Variants in PTPN21 observed in about 807,000 individuals in gnomAD.
PTPN21 encodes tyrosine-protein phosphatase non-receptor type 21.
Under a neutral mutation model 131.8 loss-of-function variants are expected in PTPN21, and 77 were observed. The observed-to-expected ratio is 0.58, with a 90% CI of 0.49 to 0.71. PTPN21 has a LOEUF of 0.71. Among genes scored for constraint, PTPN21 ranks in the 30% least tolerant of loss-of-function variants. PTPN21 has a pLI of 0.00. For missense variants in PTPN21, 1,552 were observed against 1,527.1 expected (o/e 1.02, Z -0.27); for synonymous variants, 715 against 621.3 (o/e 1.15, Z -2.24).
intron 2 of PTPN21, among the ~76,000 whole-genome samples, chr14:88,522,234 C>A (rs914204030): frequency 2.6e-5 from 4 of 151,554 alleles, no homozygotes; most frequent in African/African-American, 9.7e-5. Context: ...CGAGACTGGC[C>A]TGGCCAACAT....
chr14:88,495,819 C>A (rs1566824934), intron 10 of PTPN21, among the ~76,000 whole-genome samples: 1 of 152,112 alleles, frequency 6.6e-6, no homozygotes, highest in Non-Finnish European at 1.5e-5. Flanking sequence ...GAAATGATCA[C>A]TGGACGAAAG....
intron 3 of PTPN21, chr14:88,512,301 A>C (rs2078198478): frequency 6.6e-6 from 1 of 152,226 alleles, no homozygotes; most frequent in Admixed American, 6.5e-5. Context: ...GAACATCTTC[A>C]TAATACCCAA....
intron 12 of PTPN21, among the ~76,000 whole-genome samples, chr14:88,483,283 A>G (rs2077680469): frequency 6.6e-6 from 1 of 152,042 alleles, no homozygotes; most frequent in African/African-American, 2.4e-5. Flanking sequence ...AGGGAGGAGA[A>G]TGAACAATAT....
intron 2 of PTPN21, among the ~76,000 whole-genome samples, chr14:88,545,572 G>A (rs539815038): frequency 3.2e-4 from 48 of 152,310 alleles, no homozygotes; most frequent in African/African-American, 1.1e-3. Context: ...TTGAAAAAAT[G>A]TTTTGAAACT....
chr14:88,542,634 T>C (rs2078722583), intron 2 of PTPN21, among the ~76,000 whole-genome samples: 1 of 152,246 alleles, frequency 6.6e-6, no homozygotes, highest in African/African-American at 2.4e-5. Flanking sequence ...CTTGTGATTG[T>C]AGAATAGACT....
chr14:88,479,661 G>C lies in PTPN21; in HGVS notation c.1770C>G (p.Ser590Arg). Reference protein sequence around the residue: ...DLSRHLYISSSNPDLITRRVH... With the variant: ...DLSRHLYISSRNPDLITRRVH... Reference sequence around the variant, plus strand: ...CGCGCCGCGTGATGAGGTCGGGGTTGCTGCTGCTGATGTAAAGGTGGCGGG... The same window carrying C: ...CGCGCCGCGTGATGAGGTCGGGGTTCCTGCTGCTGATGTAAAGGTGGCGGG... The change falls in exon 13 of 19, where the codon AGC becomes AGG. Residue 590 changes from serine to arginine, a missense_variant. Physicochemically the swap from Ser to Arg is moderately radical, Grantham distance 110. Coordinates refer to ENST00000556564, the MANE Select transcript of PTPN21 (RefSeq NM_007039.4). The C allele has an allele frequency of 5.9e-6, 9 of 1,537,972 alleles. No homozygotes were observed. Among genetic ancestry groups the C allele is most frequent in the Non-Finnish European group, 7.8e-6 (9 of 1,148,186 alleles).
At chr14:88,519,435 T>G (rs1446707731) in intron 2 of PTPN21, among the ~76,000 whole-genome samples, 1 of 152,204 alleles carries the variant, frequency 6.6e-6, no homozygotes, top group African/African-American at 2.4e-5. Context: ...ATTTTTAATA[T>G]TATACAATTT....
intron 6 of PTPN21, among the ~76,000 whole-genome samples, chr14:88,501,802 G>A (rs1168484011): frequency 6.7e-6 from 1 of 150,214 alleles, no homozygotes; most frequent in African/African-American, 2.4e-5. Flanking sequence ...AACATAGTGA[G>A]ACCCTGTCAC....
chr14:88,529,265 T>A (rs2078521610), intron 2 of PTPN21, among the ~76,000 whole-genome samples: 1 of 152,212 alleles, frequency 6.6e-6, no homozygotes, highest in African/African-American at 2.4e-5. Context: ...TTTTGTGGTC[T>A]ATCACATTTA....
intron 12 of PTPN21, among the ~76,000 whole-genome samples, chr14:88,484,714 C>G (rs1338855782): frequency 6.6e-6 from 1 of 152,008 alleles, no homozygotes; most frequent in Admixed American, 6.6e-5. Context: ...CATGGTGAAA[C>G]CCCATGTCTA....
chr14:88,509,235 T>C (rs1376539673), intron 3 of PTPN21, among the ~76,000 whole-genome samples: 1 of 152,214 alleles, frequency 6.6e-6, no homozygotes, highest in Admixed American at 6.5e-5. Flanking sequence ...TAAGCATTAT[T>C]CTAGATGCTG....
intron 10 of PTPN21, 135 bp from the exon 11 acceptor site, chr14:88,485,977 A>C (rs2077725733): frequency 1.6e-6 from 1 of 614,868 alleles, no homozygotes; most frequent in Non-Finnish European, 2.8e-6. Flanking sequence ...CATGAAGTCA[A>C]AGAAAAGAAG....
chr14:88,503,312 T>C lies in PTPN21; in HGVS notation c.587+1113A>G, dbSNP rs375889989. Reference sequence around the variant, plus strand: ...GCCTCCCAAGTGCTGGGATTACAGGTGTGAGCCACTGCTCCCAGCCAGAGA... The same window carrying C: ...GCCTCCCAAGTGCTGGGATTACAGGCGTGAGCCACTGCTCCCAGCCAGAGA... On this transcript the variant is annotated intron_variant, in intron 6 of 18. Transcript: ENST00000556564. 2.1e-3 allele frequency among the ~76,000 whole-genome samples: 320 copies of C among 152,254 alleles called. 5 individuals are homozygous for C. The highest frequency in any genetic ancestry group is 7.3e-3 in the African/African-American group (303 of 41,546).
At chr14:88,473,114 G>A (rs565123247) in intron 14 of PTPN21, among the ~76,000 whole-genome samples, 1 of 152,140 alleles carries the variant, frequency 6.6e-6, no homozygotes, top group South Asian at 2.1e-4. Flanking sequence ...CAACAGCTAT[G>A]AACAAATGTT....
chr14:88,547,681 G>C (rs566380066), intron 2 of PTPN21: 1 of 455,484 alleles, frequency 2.2e-6, no homozygotes, highest in South Asian at 1.6e-5. Context: ...AGTAAGCAGG[G>C]ACTGGTTACT....
chr14:88,517,194 G>C lies in PTPN21; in HGVS notation c.248C>G (p.Pro83Arg). The C allele has an allele frequency of 1.2e-6, 2 of 1,613,998 alleles. No homozygotes were observed. Among genetic ancestry groups the C allele is most frequent in the Admixed American group, 1.7e-5 (1 of 59,998 alleles). ...ATATTTATCCAGCTGCTTCTTCAAA[G>C]GTTTTTCCAAATCTACCCACCGGCG... Reference protein sequence around the residue: ...NQRRWVDLEKPLKKQLDKYAL... With the variant: ...NQRRWVDLEKRLKKQLDKYAL... The change falls in exon 3 of 19, where the codon CCT becomes CGT. Residue 83 changes from proline to arginine, a missense_variant. By Grantham distance (103) the Pro-to-Arg change is moderately radical (BLOSUM62 -2). Transcript: ENST00000556564.
rs1566812342 is a variant in PTPN21, at chr14:88,479,247, A to ACGTGCAGGG, written c.2183_2184insCCCTGCACG (p.Pro729_Arg731dup). 6.2e-7 allele frequency: 1 copy of ACGTGCAGGG among 1,609,640 alleles called. No individual in the cohort carries two copies. On this transcript the variant is annotated inframe_insertion, in exon 13 of 19. Coordinates refer to ENST00000556564, the MANE Select transcript of PTPN21 (RefSeq NM_007039.4). Reference sequence around the variant, plus strand: ...GCCGAGGCTCGCGCGCACGTGCAGGAGGCGCCCGGGCCCCGCTCTCCTCCT... The same window carrying ACGTGCAGGG: ...GCCGAGGCTCGCGCGCACGTGCAGGACGTGCAGGGGGCGCCCGGGCCCCGCTCTCCTCCT...
chr14:88,549,052 G>C (rs1284025309), intron 2 of PTPN21, among the ~76,000 whole-genome samples: 1 of 152,186 alleles, frequency 6.6e-6, no homozygotes, highest in Non-Finnish European at 1.5e-5. Context: ...GAGGAAACTA[G>C]AACTCAAACT....
intron 2 of PTPN21, among the ~76,000 whole-genome samples, chr14:88,535,523 T>C (rs1316231768): frequency 6.6e-6 from 1 of 152,206 alleles, no homozygotes; most frequent in Non-Finnish European, 1.5e-5. Context: ...ATTTAACATG[T>C]ACTCTTCCTT....
Sources: allele counts gnomAD v4.1 joint callset (sites outside exome capture counted in the v4.1 genomes callset), GRCh38; gene constraint gnomAD v4.1.1; transcripts MANE v1.5; gene names NCBI Gene and HGNC (gene_info 2026-07-23, HGNC 2026-07-21).